The following CDH12 variants were observed in gnomAD, a reference collection of about 807,000 sequenced individuals.
The protein encoded by CDH12 is cadherin 12.
A neutral mutation model predicts 74.1 loss-of-function variants in CDH12; 41 were observed. That is an observed-to-expected ratio of 0.55 (90% CI 0.43 to 0.72). The LOEUF is 0.72. Among genes scored for constraint, CDH12 ranks in the 30% least tolerant of loss-of-function variants. The pLI is 0.00. For synonymous variants in CDH12, 399 were observed against 355.0 expected, an observed-to-expected ratio of 1.12 and a Z score of -1.39; for missense variants, 945 against 977.2, an observed-to-expected ratio of 0.97 and a Z score of 0.44.
At chr5:22,691,323 T>C (rs981955268) in intron 1 of CDH12, among the ~76,000 whole-genome samples, 1 of 152,180 alleles carries the variant, frequency 6.6e-6, no homozygotes, top group Non-Finnish European at 1.5e-5. Context: ...GTTAACTTGA[T>C]ACATCATCTA....
intron 1 of CDH12, among the ~76,000 whole-genome samples, chr5:22,563,076 T>A (rs1026927574): frequency 6.8e-6 from 1 of 147,210 alleles, no homozygotes; most frequent in African/African-American, 2.5e-5. Flanking sequence ...ATTTATATAT[T>A]TATATATATA....
intron 4 of CDH12, among the ~76,000 whole-genome samples, chr5:22,167,368 T>A (rs7379501): frequency 4.6e-5 from 7 of 152,144 alleles, no homozygotes; most frequent in African/African-American, 9.7e-5. Context: ...ATGACCTTAC[T>A]CTGCCAAACC....
chr5:22,463,157 T>C (rs1213038655), intron 2 of CDH12, among the ~76,000 whole-genome samples: 1 of 152,114 alleles, frequency 6.6e-6, no homozygotes, highest in Non-Finnish European at 1.5e-5. Context: ...TTTACACAAA[T>C]CTAATTAGCA....
intron 6 of CDH12, among the ~76,000 whole-genome samples, chr5:21,871,539 C>G (rs959378230): frequency 6.6e-6 from 1 of 151,990 alleles, no homozygotes; most frequent in East Asian, 1.9e-4. Context: ...TCGCGACCAG[C>G]CTGACCAACA....
At chr5:22,825,244 TTGTACAAA>T (rs1209037231) in intron 1 of CDH12, among the ~76,000 whole-genome samples, 1 of 152,054 alleles carries the variant, frequency 6.6e-6, no homozygotes, top group East Asian at 1.9e-4. Context: ...GTGTGTACAT[TTGTACAAA>T]TGTACATATA....
intron 6 of CDH12, among the ~76,000 whole-genome samples, chr5:21,931,064 C>A (rs376454807): frequency 2.2e-3 from 335 of 152,212 alleles, no homozygotes; most frequent in Non-Finnish European, 3.5e-3. Flanking sequence ...AATACATAGG[C>A]AGATTGTTTT....
intron 8 of CDH12, among the ~76,000 whole-genome samples, chr5:21,826,503 T>C (rs957228140): frequency 1.3e-5 from 2 of 152,144 alleles, no homozygotes; most frequent in African/African-American, 2.4e-5. Flanking sequence ...TCATACTTCT[T>C]TTCTGTTACT....
At chr5:22,164,448 A>G (rs1385209577) in intron 4 of CDH12, among the ~76,000 whole-genome samples, 4 of 152,336 alleles carry the variant, frequency 2.6e-5, no homozygotes, top group Admixed American at 1.3e-4. Context: ...ACCCTGCTGG[A>G]TCCTGAGGGA....
intron 4 of CDH12, among the ~76,000 whole-genome samples, chr5:22,105,596 G>T (rs2150254467): frequency 6.6e-6 from 1 of 151,798 alleles, no homozygotes; most frequent in East Asian, 2.0e-4. Context: ...TACTCGGGAG[G>T]CTGAGGAAGG....
At position 22,066,635 on chromosome 5, in the gene CDH12, T is replaced by A. The variant is rs115802085; in HGVS notation, c.231+11811A>T. ...GATTCCCCACACTGGTTCCCTGACG[T>A]GGAAGTGAGGACTGTAATTGAGGGA... On this transcript the variant is annotated intron_variant, in intron 5 of 14. Coordinates refer to ENST00000382254, the MANE Select transcript of CDH12 (RefSeq NM_004061.5). Among the ~76,000 whole-genome samples, 719 of 152,166 alleles carry A rather than the reference T, an allele frequency of 4.7e-3. 4 individuals carry two copies. Among genetic ancestry groups the A allele is most frequent in the African/African-American group, 0.016 (679 of 41,518 alleles).
At chr5:22,600,826 A>C (rs269880) in intron 1 of CDH12, among the ~76,000 whole-genome samples, 7 of 151,790 alleles carry the variant, frequency 4.6e-5, no homozygotes, top group African/African-American at 1.7e-4. Context: ...ACACACCCCA[A>C]AAAATGTGTG....
intron 4 of CDH12, among the ~76,000 whole-genome samples, chr5:22,181,222 C>T (rs558074801): frequency 2.0e-5 from 3 of 152,202 alleles, no homozygotes; most frequent in African/African-American, 4.8e-5. Context: ...GATAGGGTCA[C>T]GTATAAAGTT....
intron 2 of CDH12, among the ~76,000 whole-genome samples, chr5:22,495,805 C>A (rs768046031): frequency 6.6e-6 from 1 of 152,014 alleles, no homozygotes; most frequent in Non-Finnish European, 1.5e-5. Flanking sequence ...TTAATAATTG[C>A]AATGTGAGTT....
At chr5:22,730,193 C>G (rs187074853) in intron 1 of CDH12, among the ~76,000 whole-genome samples, 2 of 151,576 alleles carry the variant, frequency 1.3e-5, no homozygotes, top group African/African-American at 2.4e-5. Flanking sequence ...ACAACAACAA[C>G]GACAACAACA....
intron 1 of CDH12, among the ~76,000 whole-genome samples, chr5:22,816,109 C>A (rs914366085): frequency 6.6e-6 from 1 of 152,088 alleles, no homozygotes; most frequent in African/African-American, 2.4e-5. Context: ...GCTTTATTTT[C>A]GGGGCCAGGC....
At chr5:21,757,378 G>A (rs1744460672) in intron 13 of CDH12, among the ~76,000 whole-genome samples, 1 of 152,046 alleles carries the variant, frequency 6.6e-6, no homozygotes, top group Non-Finnish European at 1.5e-5. Flanking sequence ...GTTTCACCAT[G>A]TTGGCCAGGC....
chr5:22,153,036 A>G (rs954588691), intron 4 of CDH12, among the ~76,000 whole-genome samples: 1 of 152,066 alleles, frequency 6.6e-6, no homozygotes, highest in African/African-American at 2.4e-5. Flanking sequence ...TTGTTTCTGT[A>G]CCTGAGCTAT....
chr5:22,402,667 G>A (rs3112473), intron 3 of CDH12, among the ~76,000 whole-genome samples: 11,741 of 152,162 alleles, frequency 0.077, 503 homozygotes, highest in South Asian at 0.17. Context: ...GCATATCTAC[G>A]TTGCAAAGGA....
intron 1 of CDH12, among the ~76,000 whole-genome samples, chr5:22,800,620 A>C (rs769504823): frequency 6.6e-6 from 1 of 152,116 alleles, no homozygotes; most frequent in South Asian, 2.1e-4. Context: ...GTTTTGATAA[A>C]TATTTAACAT....
Sources: gnomAD v4.1 joint callset for allele counts (sites outside exome capture counted in the v4.1 genomes callset) on GRCh38, gnomAD v4.1.1 for gene constraint, MANE v1.5 for transcripts, NCBI Gene and HGNC (gene_info 2026-07-23, HGNC 2026-07-21) for gene names.